Variants in SAE1 observed in about 807,000 individuals in gnomAD.
The protein encoded by SAE1 is SUMO1 activating enzyme subunit 1, also known as SUMO-activating enzyme subunit 1.
SAE1 carries 11 observed loss-of-function variants against 40.6 expected under a neutral mutation model. The ratio of observed to expected loss-of-function variants is 0.27; its 90% CI spans 0.17 to 0.45. The LOEUF (loss-of-function observed/expected upper bound fraction) is 0.45, where lower values mean the gene tolerates loss of function less well. SAE1 is among the 20% of genes least tolerant of loss of function. The pLI is 1.00. For synonymous variants in SAE1, 155 were observed against 154.3 expected, an observed-to-expected ratio of 1.00 and a Z score of -0.03; for missense variants, 373 against 427.3, an observed-to-expected ratio of 0.87 and a Z score of 1.12.
intron 2 of SAE1, among the ~76,000 whole-genome samples, chr19:47,148,572 A>G (rs985494922): frequency 5.3e-5 from 8 of 150,434 alleles, no homozygotes; most frequent in African/African-American, 2.0e-4. Flanking sequence ...GGGTGAAATA[A>G]TTCCTCTGTT....
chr19:47,200,399 ATTTTTT>A (rs35657499), intron 7 of SAE1, among the ~76,000 whole-genome samples: 13 of 102,546 alleles, frequency 1.3e-4, no homozygotes, highest in African/African-American at 2.9e-4. Flanking sequence ...AGCCTGCCTA[ATTTTTT>A]TTTTTTTTTT....
At chr19:47,199,021 A>C (rs575142795) in intron 7 of SAE1, among the ~76,000 whole-genome samples, 27 of 152,256 alleles carry the variant, frequency 1.8e-4, no homozygotes, top group Non-Finnish European at 1.5e-5. Context: ...CCAGGAAAGC[A>C]GAGGTTGCAG....
intron 5 of SAE1, among the ~76,000 whole-genome samples, 174 bp downstream of exon 5, chr19:47,155,387 G>A (rs2058315974): frequency 6.6e-6 from 1 of 152,162 alleles, no homozygotes; most frequent in Non-Finnish European, 1.5e-5. Context: ...GTGAGGGAAT[G>A]TGGGCCCAGT....
chr19:47,182,224 G>A (rs547554573), intron 6 of SAE1, among the ~76,000 whole-genome samples: 14 of 152,210 alleles, frequency 9.2e-5, no homozygotes, highest in African/African-American at 3.4e-4. Context: ...CTCTTCAGAA[G>A]AAACTTCTTA....
chr19:47,184,351 A>G (rs2058529763), intron 6 of SAE1, among the ~76,000 whole-genome samples: 1 of 152,138 alleles, frequency 6.6e-6, no homozygotes, highest in South Asian at 2.1e-4. Flanking sequence ...CAGTTTTCCT[A>G]CCACTAAAAT....
At chr19:47,177,537 T>C (rs1308014978) in intron 6 of SAE1, among the ~76,000 whole-genome samples, 1 of 152,148 alleles carries the variant, frequency 6.6e-6, no homozygotes, top group Non-Finnish European at 1.5e-5. Flanking sequence ...TTAAAAAATC[T>C]GTTTGTACAG....
At chr19:47,155,340 G>T in intron 5 of SAE1, 127 bp downstream of exon 5, 1 of 578,494 alleles carries the variant, frequency 1.7e-6, no homozygotes. Context: ...CCATCTAAAG[G>T]GAGGCTGCCA....
At position 47,130,860 on chromosome 19, in the gene SAE1, T is replaced by A; in HGVS notation, c.-71T>A. 6.5e-7 allele frequency: 1 copy of A among 1,541,894 alleles called. No homozygotes were observed. The highest frequency in any genetic ancestry group is 8.7e-7 in the Non-Finnish European group (1 of 1,143,578). On this transcript the variant is annotated 5_prime_UTR_variant, in exon 1 of 9. Transcript: ENST00000270225. The stretch of plus-strand genomic sequence containing the variant: ...ACTCCGGGCGTGCTGCCGGCGGCGG[T>A]AGGTGGCGCGCGGGTCCGGCGGGCG...
chr19:47,182,190 G>GGATA (rs1465133411), intron 6 of SAE1, among the ~76,000 whole-genome samples: 2 of 152,040 alleles, frequency 1.3e-5, no homozygotes, highest in Non-Finnish European at 2.9e-5. Flanking sequence ...GTCTTTGGAT[G>GGATA]CCGGCTGGAT....
rs2058707921 is a variant in SAE1, at chr19:47,210,400, A to G, written c.*1149A>G. On this transcript the variant is annotated 3_prime_UTR_variant, in exon 9 of 9. Coordinates refer to ENST00000270225, the MANE Select transcript of SAE1 (RefSeq NM_005500.3). ...TTCTGGCTCCAGTTGTCTAATGGAT[A>G]ATTCAGCTAAATAGTGGCTATTTTC... The G allele has an allele frequency of 6.6e-6, 1 of 152,162 alleles. No homozygotes were observed. The highest frequency in any genetic ancestry group is 1.5e-5 in the Non-Finnish European group (1 of 68,020). The allele number at this position is 152,162 out of a possible 1,614,324, so 9.4% of individuals were successfully genotyped here.
At chr19:47,153,236 C>G (rs2058298262) in intron 4 of SAE1, among the ~76,000 whole-genome samples, 196 bp downstream of exon 4, 1 of 152,048 alleles carries the variant, frequency 6.6e-6, no homozygotes, top group Admixed American at 6.6e-5. Flanking sequence ...ATCCACTGCG[C>G]CTGGTCTGCT....
chr19:47,179,116 C>T (rs1185003959), intron 6 of SAE1, among the ~76,000 whole-genome samples: 2 of 147,278 alleles, frequency 1.4e-5, no homozygotes, highest in African/African-American at 2.5e-5. Context: ...GGTGTGAACC[C>T]GGGAGGCAGA....
intron 5 of SAE1, among the ~76,000 whole-genome samples, chr19:47,166,726 A>T (rs2058395208): frequency 6.6e-6 from 1 of 152,106 alleles, no homozygotes; most frequent in South Asian, 2.1e-4. Flanking sequence ...CATATTGCAA[A>T]TGACTTGATG....
At chr19:47,183,441 C>G (rs2058523942) in intron 6 of SAE1, among the ~76,000 whole-genome samples, 1 of 152,134 alleles carries the variant, frequency 6.6e-6, no homozygotes, top group Non-Finnish European at 1.5e-5. Context: ...AGTGCTCAGT[C>G]AGACTTTAAT....
intron 5 of SAE1, among the ~76,000 whole-genome samples, chr19:47,156,021 G>A (rs1448340331): frequency 6.6e-6 from 1 of 151,922 alleles, no homozygotes; most frequent in African/African-American, 2.4e-5. Context: ...TTACAGGCAT[G>A]AGCCACCATG....
At chr19:47,197,468 C>A in intron 7 of SAE1, 91 bp downstream of exon 7, 1 of 1,173,378 alleles carries the variant, frequency 8.5e-7, no homozygotes, top group Non-Finnish European at 1.2e-6. Flanking sequence ...TTATTAGAAA[C>A]CCTTCAGAGA....
At chr19:47,134,289 C>T (rs1346366327) in intron 1 of SAE1, among the ~76,000 whole-genome samples, 1 of 150,526 alleles carries the variant, frequency 6.6e-6, no homozygotes, top group African/African-American at 2.5e-5. Context: ...GGGAGGCAGA[C>T]ACGTCAGGAG....
chr19:47,144,868 G>T (rs768888858), intron 2 of SAE1, among the ~76,000 whole-genome samples: 1 of 152,198 alleles, frequency 6.6e-6, no homozygotes. Context: ...GTCTTGCTGT[G>T]ATGCCCAGAC....
chr19:47,151,339 TG>T (rs1469581886), intron 3 of SAE1, among the ~76,000 whole-genome samples: 3 of 152,002 alleles, frequency 2.0e-5, no homozygotes, highest in African/African-American at 4.8e-5. Flanking sequence ...TTAGTAGAGA[TG>T]GGGTTTCACC....
Sources: allele counts gnomAD v4.1 joint callset (sites outside exome capture counted in the v4.1 genomes callset), GRCh38; gene constraint gnomAD v4.1.1; transcripts MANE v1.5; gene names NCBI Gene and HGNC (gene_info 2026-07-23, HGNC 2026-07-21).